RMC1: variants seen among roughly 807,000 people sequenced by gnomAD.
The protein encoded by RMC1 is regulator of MON1-CCZ1.
RMC1 carries 44 observed loss-of-function variants against 95.5 expected under a neutral mutation model. That is an observed-to-expected ratio of 0.46 (90% CI 0.36 to 0.59). The LOEUF is 0.59. Among genes scored for constraint, RMC1 ranks in the 20% least tolerant of loss-of-function variants. RMC1 has a pLI of 0.00. For missense variants in RMC1, 705 were observed against 819.6 expected (o/e 0.86, Z 1.71); for synonymous variants, 320 against 303.6 (o/e 1.05, Z -0.56).
intron 10 of RMC1, among the ~76,000 whole-genome samples, chr18:23,521,094 A>G (rs2058130832): frequency 6.6e-6 from 1 of 152,126 alleles, no homozygotes; most frequent in African/African-American, 2.4e-5. Flanking sequence ...ACCTCAGGTG[A>G]TCCGCCTGCC....
intron 1 of RMC1, 66 bp from the exon 2 acceptor site, chr18:23,504,305 G>A (rs2057661583): frequency 7.4e-7 from 1 of 1,360,124 alleles, no homozygotes; most frequent in Admixed American, 1.7e-5. Context: ...ATCGCTTGCG[G>A]GTTGGCTTCT....
intron 5 of RMC1, among the ~76,000 whole-genome samples, chr18:23,513,411 G>A (rs919347013): frequency 1.5e-4 from 23 of 152,198 alleles, no homozygotes; most frequent in African/African-American, 5.3e-4. Context: ...CGCACTGAGC[G>A]TATACACCAC....
chr18:23,531,560 A>G, intron 19 of RMC1, 65 bp from the exon 20 acceptor site: 1 of 1,586,502 alleles, frequency 6.3e-7, no homozygotes, highest in African/African-American at 1.4e-5. Context: ...CACACCTACG[A>G]GATGCTTTCT....
intron 10 of RMC1, 82 bp from the exon 11 acceptor site, chr18:23,524,047 AG>A: frequency 3.6e-6 from 5 of 1,372,684 alleles, no homozygotes; most frequent in Non-Finnish European, 5.2e-6. Flanking sequence ...GACATTAAAA[AG>A]TATTGACTTT....
At chr18:23,531,134 G>A (rs1236294792) in intron 19 of RMC1, among the ~76,000 whole-genome samples, 1 of 152,070 alleles carries the variant, frequency 6.6e-6, no homozygotes, top group Non-Finnish European at 1.5e-5. Context: ...GGGACTACAG[G>A]TGCGTGCCAC....
At chr18:23,524,252 C>T (rs1323645691) in intron 11 of RMC1, 78 bp downstream of exon 11, 1 of 1,567,370 alleles carries the variant, frequency 6.4e-7, no homozygotes, top group African/African-American at 1.4e-5. Context: ...AAGTCCTCCT[C>T]CGGGCAGCTG....
Position 23,527,912 on chromosome 18 carries a change from T to A in RMC1, c.1296+11T>A, listed in dbSNP as rs747031460. 2 of 1,606,716 alleles carry A rather than the reference T, an allele frequency of 1.2e-6. No individual in the cohort carries two copies. The highest frequency in any genetic ancestry group is 1.7e-6 in the Non-Finnish European group (2 of 1,174,272). ...CAGAGTTATGCGATGGTGAGTTACA[T>A]GGAGTATGACAAAGGGTCCTCCTCC... On this transcript the variant is annotated intron_variant, in intron 14 of 19. Coordinates refer to ENST00000269221, the MANE Select transcript of RMC1 (RefSeq NM_013326.5).
chr18:23,523,994 G>A, intron 10 of RMC1, 136 bp from the exon 11 acceptor site: 1 of 977,336 alleles, frequency 1.0e-6, no homozygotes, highest in Non-Finnish European at 1.6e-6. Flanking sequence ...AGACGGAACA[G>A]TTCATTTCTT....
chr18:23,509,119 T>C (rs139269500), intron 4 of RMC1, 74 bp from the exon 5 acceptor site: 11,136 of 495,260 alleles, frequency 0.022, 155 homozygotes, highest in Non-Finnish European at 0.027. Flanking sequence ...ACTGCAGAGT[T>C]TGTGAAGCTT....
intron 3 of RMC1, among the ~76,000 whole-genome samples, chr18:23,507,526 G>A (rs1292363299): frequency 6.6e-6 from 1 of 152,222 alleles, no homozygotes; most frequent in Non-Finnish European, 1.5e-5. Context: ...TCTGATAGGA[G>A]CAGATATTCC....
At position 23,523,772 on chromosome 18, in the gene RMC1, C is replaced by G. The variant is rs538599046; in HGVS notation, c.962-358C>G. 2.0e-5 allele frequency among the ~76,000 whole-genome samples: 3 copies of G among 152,234 alleles called. 1 individual carries two copies. In the South Asian group the frequency reaches 6.2e-4, roughly 32 times the overall value. The stretch of plus-strand genomic sequence containing the variant: ...ACAAGCCACATTTATTTGAAACATT[C>G]TCCGTGGATGATCTGGGTATTTGAT... On this transcript the variant is annotated intron_variant, in intron 10 of 19. Transcript: ENST00000269221.
intron 12 of RMC1, among the ~76,000 whole-genome samples, chr18:23,525,266 A>G (rs1334153312): frequency 6.6e-6 from 1 of 151,628 alleles, no homozygotes; most frequent in Non-Finnish European, 1.5e-5. Context: ...TTATTTTTTT[A>G]AGGCAGGGTC....
At chr18:23,504,480 C>A in intron 2 of RMC1, 33 bp downstream of exon 2, 2 of 1,524,506 alleles carry the variant, frequency 1.3e-6, no homozygotes, top group South Asian at 1.1e-5. Context: ...ATCATTTTGT[C>A]ATGTAAACAG....
intron 7 of RMC1, 59 bp downstream of exon 7, chr18:23,516,482 G>A: frequency 1.3e-6 from 2 of 1,558,354 alleles, no homozygotes; most frequent in Non-Finnish European, 1.8e-6. Flanking sequence ...ATAAATAATA[G>A]AAGGAGTGTG....
intron 11 of RMC1, 52 bp downstream of exon 11, chr18:23,524,226 TCA>T (rs774004980): frequency 1.9e-6 from 3 of 1,601,516 alleles, no homozygotes; most frequent in Admixed American, 1.7e-5. Context: ...GTGGTCACCC[TCA>T]GAGAGTGGTC....
Position 23,503,636 on chromosome 18 carries a change from C to T in RMC1, c.18C>T (p.Tyr6=), listed in dbSNP as rs775035062. The T allele has an allele frequency of 2.5e-5, 39 of 1,576,890 alleles. No individual in the cohort carries two copies. The highest frequency in any genetic ancestry group is 2.9e-5 in the Non-Finnish European group (34 of 1,162,844). Residue 6 remains tyrosine, a synonymous_variant, in exon 1 of 20, where the codon TAC becomes TAT. Coordinates refer to ENST00000269221, the MANE Select transcript of RMC1 (RefSeq NM_013326.5). ...CGCCCGCCATGGGCGAGGAGGACTA[C>T]TATCTGGAGCTGTGCGAGCGGCCGG... The part of the protein sequence containing the change: MGEED[Y]YLELCERPVQ...
chr18:23,520,067 G>C, intron 9 of RMC1, 135 bp from the exon 10 acceptor site: 1 of 635,310 alleles, frequency 1.6e-6, no homozygotes, highest in South Asian at 1.9e-5. Flanking sequence ...TCCTTCTCAA[G>C]TAAGAGCTAG....
intron 10 of RMC1, among the ~76,000 whole-genome samples, chr18:23,523,125 C>T (rs373069657): frequency 5.3e-5 from 8 of 152,156 alleles, no homozygotes; most frequent in Admixed American, 1.3e-4. Context: ...GTCCAAAGCG[C>T]GAGTGCTCTT....
At chr18:23,504,603 G>T in intron 2 of RMC1, 156 bp downstream of exon 2, 2 of 613,256 alleles carry the variant, frequency 3.3e-6, no homozygotes, top group Non-Finnish European at 2.9e-6. Flanking sequence ...GAGGGTCTTC[G>T]TGGCACTTAC....
Sources: allele counts gnomAD v4.1 joint callset (sites outside exome capture counted in the v4.1 genomes callset), GRCh38; gene constraint gnomAD v4.1.1; transcripts MANE v1.5; gene names NCBI Gene and HGNC (gene_info 2026-07-23, HGNC 2026-07-21).